GPR107: variants seen among roughly 807,000 people sequenced by gnomAD.
GPR107 encodes the protein G protein-coupled receptor 107.
In GPR107, 31 loss-of-function variants were observed where a neutral mutation model predicts 75.5. That is an observed-to-expected ratio of 0.41 (90% confidence interval 0.31 to 0.55). GPR107 has a LOEUF of 0.55. Among genes scored for constraint, GPR107 ranks in the 20% least tolerant of loss-of-function variants. The pLI is 0.26. For missense variants in GPR107, 572 were observed against 665.7 expected, an observed-to-expected ratio of 0.86 and a Z score of 1.55; for synonymous variants, 267 against 251.3, an observed-to-expected ratio of 1.06 and a Z score of -0.59.
intron 14 of GPR107, among the ~76,000 whole-genome samples, chr9:130,123,525 CT>C (rs57095010): frequency 0.63 from 84,591 of 135,302 alleles, 24,831 homozygotes; most frequent in East Asian, 0.82. Context: ...TCTTTCTTTT[CT>C]TTTCTTTTTT....
intron 8 of GPR107, among the ~76,000 whole-genome samples, chr9:130,091,217 G>A (rs1830727160): frequency 6.6e-6 from 1 of 152,132 alleles, no homozygotes; most frequent in Admixed American, 6.6e-5. Flanking sequence ...GGCTGGGCAT[G>A]GTGGCTCATG....
chr9:130,106,528 C>T (rs1029653334), intron 13 of GPR107, among the ~76,000 whole-genome samples: 4 of 151,616 alleles, frequency 2.6e-5, no homozygotes, highest in East Asian at 3.9e-4. Context: ...ACCCAGGAGG[C>T]GGAGGTTGCA....
At chr9:130,134,520 T>C (rs953756868) in intron 17 of GPR107, among the ~76,000 whole-genome samples, 35 of 152,242 alleles carry the variant, frequency 2.3e-4, no homozygotes, top group African/African-American at 8.0e-4. Context: ...CTGTCTATAG[T>C]GGCCAAAGAA....
rs10625916 is a variant in GPR107, at chr9:130,103,541, C to CTAA, written c.1132-875_1132-873dup. 0.31 allele frequency among the ~76,000 whole-genome samples: 47,860 copies of CTAA among 151,946 alleles called. 7,703 individuals carry two copies. Among genetic ancestry groups the CTAA allele is most frequent in the Non-Finnish European group, 0.37 (25,446 of 67,914 alleles). On this transcript the variant is annotated intron_variant, in intron 12 of 17. Coordinates refer to ENST00000347136, the MANE Select transcript of GPR107 (RefSeq NM_020960.5). This position sits in a 1 kb window ranked among gnomAD's most constrained non-coding sequence, Gnocchi z 4.3. ...TTTTATAAAGACTTATGCTAAGAGCCTAATAACGGGCCTGAGTACAGAGCT... is the reference window on the plus strand; with the variant it reads ...TTTTATAAAGACTTATGCTAAGAGCCTAATAATAACGGGCCTGAGTACAGAGCT...
At position 130,089,028 on chromosome 9, in the gene GPR107, G is replaced by T. The variant is rs150583326; in HGVS notation, c.622-1848G>T. On this transcript the variant is annotated intron_variant, in intron 7 of 17. Transcript: ENST00000347136. ...AATAAATACAAAAAATTAGCTGGGT[G>T]TGGTGGTGGTGGGCGCCTGTAATCC... Among the ~76,000 whole-genome samples, 1,057 of 151,988 alleles carry T rather than the reference G, an allele frequency of 7.0e-3. 14 individuals carry two copies. The highest frequency in any genetic ancestry group is 0.025 in the African/African-American group (1,016 of 41,446).
At chr9:130,122,933 G>C (rs1831581447) in intron 14 of GPR107, among the ~76,000 whole-genome samples, 1 of 152,196 alleles carries the variant, frequency 6.6e-6, no homozygotes, top group South Asian at 2.1e-4. Flanking sequence ...GGTCAAGGCT[G>C]CAGTGAGCTG....
chr9:130,094,410 C>A (rs1421925994), intron 9 of GPR107, among the ~76,000 whole-genome samples: 2 of 151,248 alleles, frequency 1.3e-5, no homozygotes, highest in Non-Finnish European at 2.9e-5. Flanking sequence ...TGCCACTGCA[C>A]AAAATTAAAA....
At chr9:130,131,280 C>T (rs1416279228) in intron 17 of GPR107, among the ~76,000 whole-genome samples, 1 of 152,142 alleles carries the variant, frequency 6.6e-6, no homozygotes, top group Non-Finnish European at 1.5e-5. Flanking sequence ...AGGGGGCTAG[C>T]CAGGTTTCCT....
chr9:130,072,971 G>C (rs1185750359), intron 1 of GPR107, among the ~76,000 whole-genome samples: 1 of 152,112 alleles, frequency 6.6e-6, no homozygotes, highest in Non-Finnish European at 1.5e-5. Flanking sequence ...TTTCCAGAAC[G>C]TAGACACACT....
chr9:130,116,882 T>G (rs1345642903), intron 14 of GPR107, among the ~76,000 whole-genome samples: 1 of 152,186 alleles, frequency 6.6e-6, no homozygotes, highest in African/African-American at 2.4e-5. Flanking sequence ...GCACAGTCCT[T>G]AACTGTTCAG....
chr9:130,100,724 A>C lies in GPR107; in HGVS notation c.1013+22A>C, dbSNP rs1392840106. Reference sequence around the variant, plus strand: ...ACCTGTAAGTATGCAGGTCCATGTGAAATACACCATGAAATGACATACAAG... The same window carrying C: ...ACCTGTAAGTATGCAGGTCCATGTGCAATACACCATGAAATGACATACAAG... On this transcript the variant is annotated intron_variant, in intron 11 of 17. Coordinates refer to ENST00000347136, the MANE Select transcript of GPR107 (RefSeq NM_020960.5). 3 of 1,534,812 alleles carry C rather than the reference A, an allele frequency of 2.0e-6. No individual in the cohort carries two copies. In the Admixed American group the frequency reaches 5.0e-5, roughly 26 times the overall value.
intron 5 of GPR107, among the ~76,000 whole-genome samples, chr9:130,080,257 G>T (rs1390083521): frequency 6.6e-6 from 1 of 152,052 alleles, no homozygotes; most frequent in Non-Finnish European, 1.5e-5. Flanking sequence ...CTTTAAGATG[G>T]TTTTCAGAAT....
At chr9:130,123,930 A>G (rs1488578345) in intron 14 of GPR107, among the ~76,000 whole-genome samples, 1 of 152,222 alleles carries the variant, frequency 6.6e-6, no homozygotes, top group East Asian at 1.9e-4. Flanking sequence ...CCCCAGAGGC[A>G]GGTGTTGTAT....
intron 9 of GPR107, among the ~76,000 whole-genome samples, chr9:130,098,885 G>A (rs1830944641): frequency 6.6e-6 from 1 of 151,870 alleles, no homozygotes; most frequent in South Asian, 2.1e-4. Context: ...GCGCACGCCT[G>A]TAATCCCGGC....
At chr9:130,102,829 GGGCTGGAGT>G (rs1831067903) in intron 12 of GPR107, among the ~76,000 whole-genome samples, 1 of 152,096 alleles carries the variant, frequency 6.6e-6, no homozygotes, top group Admixed American at 6.6e-5. Flanking sequence ...TCTGTCGCCC[GGGCTGGAGT>G]ACAGTGGTGA....
chr9:130,090,739 T>G (rs948809308), intron 7 of GPR107, 137 bp from the exon 8 acceptor site: 10 of 493,464 alleles, frequency 2.0e-5, no homozygotes, highest in Middle Eastern at 5.3e-4. Flanking sequence ...ATTCATAACT[T>G]ATTTCTAAGG....
At chr9:130,100,040 G>T (rs900332262) in intron 10 of GPR107, among the ~76,000 whole-genome samples, 1 of 151,416 alleles carries the variant, frequency 6.6e-6, no homozygotes, top group East Asian at 1.9e-4. Context: ...GACTACAGGC[G>T]CCCGCCACCA....
At chr9:130,056,924 CAAAAAAA>C (rs11442007) in intron 1 of GPR107, among the ~76,000 whole-genome samples, 1,341 of 42,826 alleles carry the variant, frequency 0.031, 14 homozygotes, top group East Asian at 0.068. Flanking sequence ...GACTCCTTCT[CAAAAAAA>C]AAAAAAAAAA....
In GPR107 at chr9:130,103,281, A is replaced by T. The variant is rs904457374; in HGVS notation, c.1132-1139A>T. 1.3e-5 allele frequency among the ~76,000 whole-genome samples: 2 copies of T among 152,216 alleles called. No homozygotes were observed. Among genetic ancestry groups the T allele is most frequent in the Non-Finnish European group, 2.9e-5 (2 of 68,046 alleles). On this transcript the variant is annotated intron_variant, in intron 12 of 17. Coordinates refer to ENST00000347136, the MANE Select transcript of GPR107 (RefSeq NM_020960.5). The surrounding 1 kb of genome is among the most constrained non-coding windows in gnomAD (Gnocchi z 4.3). ...TTCTAAGTCCTGTATAGAAAGAGAA[A>T]TTAAACTTAGAGACTTCCTAAATAA... is the stretch of plus-strand genomic sequence containing the variant.
Sources: allele counts gnomAD v4.1 joint callset (sites outside exome capture counted in the v4.1 genomes callset), GRCh38; gene constraint gnomAD v4.1.1; non-coding constraint Gnocchi (gnomAD v3.1); transcripts MANE v1.5; gene names NCBI Gene and HGNC (gene_info 2026-07-23, HGNC 2026-07-21).